Variants in COL4A2 observed in about 807,000 individuals in gnomAD.
COL4A2 encodes collagen type IV alpha 2 chain.
COL4A2 carries 99 observed loss-of-function variants against 200.2 expected under a neutral mutation model. That is an observed-to-expected ratio of 0.49 (90% CI 0.42 to 0.58). The LOEUF is 0.58. Among genes scored for constraint, COL4A2 ranks in the 20% least tolerant of loss-of-function variants. The probability of loss-of-function intolerance (pLI) is 0.00; values close to 1 mark genes in which losing one functional copy is unlikely to be tolerated. For missense variants in COL4A2, 1,950 were observed against 2,314.1 expected (o/e 0.84, Z 3.23); for synonymous variants, 897 against 900.6 (o/e 1.00, Z 0.07).
chr13:110,469,420 G>A, intron 28 of COL4A2, 96 bp downstream of exon 28: 3 of 1,289,624 alleles, frequency 2.3e-6, no homozygotes, highest in Non-Finnish European at 3.2e-6. Flanking sequence ...CCACTTTGTA[G>A]AAGCTGTTTT....
intron 3 of COL4A2, among the ~76,000 whole-genome samples, chr13:110,338,440 G>GT (rs1414450897): frequency 2.4e-4 from 36 of 149,398 alleles, no homozygotes; most frequent in African/African-American, 8.6e-4. Flanking sequence ...TGTGTGGGGG[G>GT]GGGTGGGGGT....
chr13:110,456,069 A>C (rs913800190), intron 20 of COL4A2, among the ~76,000 whole-genome samples: 1 of 152,104 alleles, frequency 6.6e-6, no homozygotes, highest in Non-Finnish European at 1.5e-5. Context: ...ACGAGATGGC[A>C]CTCTTCTTCT....
chr13:110,332,897 A>G (rs1875993037), intron 3 of COL4A2, among the ~76,000 whole-genome samples: 1 of 152,222 alleles, frequency 6.6e-6, no homozygotes, highest in African/African-American at 2.4e-5. Context: ...ATCTGAACAC[A>G]CGGTGCTATT....
chr13:110,348,092 G>C (rs992631711), intron 3 of COL4A2, among the ~76,000 whole-genome samples: 1 of 152,214 alleles, frequency 6.6e-6, no homozygotes, highest in Non-Finnish European at 1.5e-5. Context: ...TGGTTCTCCT[G>C]TTCCAAATAC....
rs1878708365 is a variant in COL4A2 at position 110,385,860 on chromosome 13, G to GTGTGTGGATAGACCGTGGTTA, written c.180+28308_180+28309insTGTGTGGATAGACCGTGGTTA. 9.9e-4 allele frequency among the ~76,000 whole-genome samples: 2 copies of GTGTGTGGATAGACCGTGGTTA among 2,018 alleles called. 1 individual carries two copies. The highest frequency in any genetic ancestry group is 0.019 in the East Asian group (2 of 106). The allele number at this position is 2,018 out of a possible 152,430, so 1.3% of individuals were successfully genotyped here. A position where few individuals can be genotyped will look rare whatever the true frequency, so the allele number is the denominator to read the frequency against. On this transcript the variant is annotated intron_variant, in intron 4 of 47. Coordinates refer to ENST00000360467, the MANE Select transcript of COL4A2 (RefSeq NM_001846.4). ...TACAGTGTGTGGATAGGCCGTGGTT[G>GTGTGTGGATAGACCGTGGTTA]CAGCGTGTGGATGGGCCGTGGTTAC...
intron 11 of COL4A2, 44 bp from the exon 12 acceptor site, chr13:110,434,357 A>AT: frequency 6.4e-7 from 1 of 1,570,112 alleles, no homozygotes. Flanking sequence ...TTTCTCTCTG[A>AT]TTATTGGCTT....
At chr13:110,453,977 G>A (rs1881629950) in intron 20 of COL4A2, among the ~76,000 whole-genome samples, 3 of 152,184 alleles carry the variant, frequency 2.0e-5, no homozygotes, top group African/African-American at 7.2e-5. Context: ...TTCCTCTCTT[G>A]TTAACTACAT....
intron 3 of COL4A2, 27 bp from the exon 4 acceptor site, chr13:110,357,445 T>C: frequency 6.4e-7 from 1 of 1,566,230 alleles, no homozygotes; most frequent in Non-Finnish European, 8.7e-7. Context: ...AGGTAACTTT[T>C]CTTTGCCTTG....
intron 4 of COL4A2, among the ~76,000 whole-genome samples, chr13:110,401,724 C>A (rs1879377647): frequency 1.3e-5 from 2 of 152,156 alleles, no homozygotes; most frequent in South Asian, 4.1e-4. Context: ...TCCACTTGGG[C>A]TATTATAACA....
At chr13:110,352,595 G>A (rs1455330588) in intron 3 of COL4A2, among the ~76,000 whole-genome samples, 5 of 152,180 alleles carry the variant, frequency 3.3e-5, no homozygotes, top group African/African-American at 1.2e-4. Flanking sequence ...GGACCTCCCA[G>A]CCCCTTGCCC....
chr13:110,412,897 G>T (rs1879898592), intron 4 of COL4A2, among the ~76,000 whole-genome samples: 1 of 152,194 alleles, frequency 6.6e-6, no homozygotes, highest in Non-Finnish European at 1.5e-5. Flanking sequence ...CCTTTTTTAT[G>T]ACTCCACTTG....
At chr13:110,465,285 T>C in intron 24 of COL4A2, 120 bp from the exon 25 acceptor site, 1 of 1,298,610 alleles carries the variant, frequency 7.7e-7, no homozygotes, top group East Asian at 2.5e-5. Context: ...TTCATCTCTG[T>C]TGTCTTTCTG....
intron 34 of COL4A2, among the ~76,000 whole-genome samples, chr13:110,488,548 C>G (rs867100200): frequency 6.6e-6 from 1 of 152,160 alleles, no homozygotes; most frequent in African/African-American, 2.4e-5. Flanking sequence ...AGAAGTCTCC[C>G]TCTGTGCACA....
intron 28 of COL4A2, among the ~76,000 whole-genome samples, chr13:110,472,216 C>T (rs546667043): frequency 8.6e-5 from 13 of 151,218 alleles, no homozygotes; most frequent in East Asian, 2.0e-4. Context: ...CCCGGGTTCA[C>T]GCCATTCTCC....
At position 110,307,959 on chromosome 13, in the gene COL4A2, T is replaced by G; in HGVS notation, c.44+12T>G. On this transcript the variant is annotated intron_variant, in intron 2 of 47. Coordinates refer to ENST00000360467, the MANE Select transcript of COL4A2 (RefSeq NM_001846.4). This position sits in a 1 kb window ranked among gnomAD's most constrained non-coding sequence, Gnocchi z 5.0. ...CCTGCCCTACGGCGGTAAGCGACTTTCTGCCTGGTCCCCGTGGGTCACGCG... is the reference window on the plus strand; with the variant it reads ...CCTGCCCTACGGCGGTAAGCGACTTGCTGCCTGGTCCCCGTGGGTCACGCG... 2 of 1,612,590 alleles carry G rather than the reference T, an allele frequency of 1.2e-6. No homozygotes were observed. Among genetic ancestry groups the G allele is most frequent in the Non-Finnish European group, 1.7e-6 (2 of 1,179,550 alleles).
At chr13:110,424,634 T>TAAAAA (rs779952797) in intron 4 of COL4A2, 100 bp from the exon 5 acceptor site, 34 of 725,812 alleles carry the variant, frequency 4.7e-5, no homozygotes, top group African/African-American at 1.6e-4. Flanking sequence ...TATAGCTCTT[T>TAAAAA]AAAAACAAAA....
Position 110,473,166 on chromosome 13 carries a change from G to A in COL4A2, c.2425+16G>A. On this transcript the variant is annotated intron_variant, in intron 29 of 47. Transcript: ENST00000360467. ...GGATTCAGAGGTGAGTGCCCCATCG[G>A]GGAGCCGGGGGCCCCATCCCAGATG... 1 of 1,548,400 alleles carries A rather than the reference G, an allele frequency of 6.5e-7. No individual in the cohort carries two copies. Among genetic ancestry groups the A allele is most frequent in the Non-Finnish European group, 8.7e-7 (1 of 1,146,480 alleles).
rs1207471609 is a variant in COL4A2 at position 110,378,173 on chromosome 13, C to G, written c.180+20621C>G. 3.9e-5 allele frequency among the ~76,000 whole-genome samples: 6 copies of G among 152,324 alleles called. No individual in the cohort carries two copies. The East Asian group carries it at 9.6e-4, about 24-fold the overall frequency. ...CTATCTGAGCAGAGTTTTCTGCTTTCTTGGCTAAAATAAGATGCATGCAGC... is the reference window on the plus strand; with the variant it reads ...CTATCTGAGCAGAGTTTTCTGCTTTGTTGGCTAAAATAAGATGCATGCAGC... On this transcript the variant is annotated intron_variant, in intron 4 of 47. Transcript: ENST00000360467.
chr13:110,423,846 A>C (rs971050687), intron 4 of COL4A2, among the ~76,000 whole-genome samples: 4 of 152,030 alleles, frequency 2.6e-5, no homozygotes, highest in African/African-American at 9.7e-5. Context: ...GGCTCATTTC[A>C]CTCAGCACAG....
Sources: gnomAD v4.1 joint callset for allele counts (sites outside exome capture counted in the v4.1 genomes callset) on GRCh38, gnomAD v4.1.1 for gene constraint, Gnocchi (gnomAD v3.1) non-coding constraint, MANE v1.5 for transcripts, NCBI Gene and HGNC (gene_info 2026-07-23, HGNC 2026-07-21) for gene names.